The following NBAS variants were observed in gnomAD, a reference collection of about 807,000 sequenced individuals.
NBAS encodes NBAS subunit of NRZ tethering complex.
Under a neutral mutation model 302.5 loss-of-function variants are expected in NBAS, and 219 were observed. The observed-to-expected ratio is 0.72, with a 90% confidence interval of 0.65 to 0.81. The LOEUF is 0.81. Among genes scored for constraint, NBAS ranks in the 30% least tolerant of loss-of-function variants. NBAS has a pLI of 0.00. For missense variants in NBAS, 2,932 were observed against 2,841.6 expected, an observed-to-expected ratio of 1.03 and a Z score of -0.72; for synonymous variants, 1,118 against 1,021.6, an observed-to-expected ratio of 1.09 and a Z score of -1.80.
At chr2:15,043,127 C>T in the NBAS span, among the ~76,000 whole-genome samples, 2 of 152,222 alleles carry the variant, frequency 1.3e-5, no homozygotes, top group Non-Finnish European at 2.9e-5. Flanking sequence ...ACACAGCACC[C>T]TTCCTCGCTT....
intron 12 of NBAS, among the ~76,000 whole-genome samples, chr2:15,479,618 G>T (rs1184265294): frequency 6.6e-6 from 1 of 152,126 alleles, no homozygotes; most frequent in African/African-American, 2.4e-5. Context: ...GAAATCTTAA[G>T]GAAATTTTAA....
the NBAS span, among the ~76,000 whole-genome samples, chr2:15,073,176 T>C: frequency 1.3e-5 from 2 of 151,858 alleles, no homozygotes; most frequent in Non-Finnish European, 2.9e-5. Context: ...TTCTGTATCT[T>C]AGCTTTAAGA....
At chr2:15,293,238 C>T (rs533628346) in intron 40 of NBAS, among the ~76,000 whole-genome samples, 2 of 152,106 alleles carry the variant, frequency 1.3e-5, no homozygotes, top group African/African-American at 4.8e-5. Context: ...AATGGCTAGA[C>T]CCCTGAGGAG....
At chr2:14,802,454 T>A in the NBAS span, among the ~76,000 whole-genome samples, 1 of 151,562 alleles carries the variant, frequency 6.6e-6, no homozygotes, top group African/African-American at 2.4e-5. Flanking sequence ...AGTCAGGTAG[T>A]GTGATGCCTC....
chr2:15,429,467 T>TC (rs1454308128), intron 21 of NBAS, among the ~76,000 whole-genome samples: 1 of 152,160 alleles, frequency 6.6e-6, no homozygotes. Flanking sequence ...AAACACTTCA[T>TC]AAACGTTTGA....
rs143394135 is a variant in NBAS at position 15,316,179 on chromosome 2, C to T, written c.4583-6932G>A. ...TAATTTGTAATGCTAGTTCTCAAACCTTGAATATAAAGCATTGTCTAAACA... is the reference window on the plus strand; with the variant it reads ...TAATTTGTAATGCTAGTTCTCAAACTTTGAATATAAAGCATTGTCTAAACA... On this transcript the variant is annotated intron_variant, in intron 38 of 51. Transcript: ENST00000281513. Among the ~76,000 whole-genome samples the T allele has an allele frequency of 1.2e-3, 185 of 152,280 alleles. 2 individuals are homozygous for T. Among genetic ancestry groups the T allele is most frequent in the African/African-American group, 4.3e-3 (179 of 41,534 alleles).
chr2:15,561,045 C>T, intron 1 of NBAS, 143 bp downstream of exon 1: 1 of 725,820 alleles, frequency 1.4e-6, no homozygotes, highest in South Asian at 1.5e-5. Flanking sequence ...CCCAAGGTGC[C>T]GTTGCCAAGG....
chr2:14,786,705 G>A, the NBAS span, among the ~76,000 whole-genome samples: 1 of 152,132 alleles, frequency 6.6e-6, no homozygotes, highest in Non-Finnish European at 1.5e-5. Flanking sequence ...TATAATTTCT[G>A]ATCTTTTCCA....
chr2:15,491,536 A>G (rs1680854107), intron 11 of NBAS, among the ~76,000 whole-genome samples: 1 of 152,308 alleles, frequency 6.6e-6, no homozygotes, highest in Non-Finnish European at 1.5e-5. Flanking sequence ...GGAGATCGAG[A>G]CCATCCTGGC....
intron 11 of NBAS, among the ~76,000 whole-genome samples, chr2:15,499,769 G>T (rs1661415978): frequency 6.6e-6 from 1 of 152,014 alleles, no homozygotes; most frequent in Non-Finnish European, 1.5e-5. Flanking sequence ...TACAATAAAA[G>T]TTAAATTTTT....
intron 40 of NBAS, among the ~76,000 whole-genome samples, chr2:15,307,643 CTT>C (rs1056626827): frequency 6.6e-6 from 1 of 152,188 alleles, no homozygotes; most frequent in Non-Finnish European, 1.5e-5. Flanking sequence ...CTGTAATACT[CTT>C]GTGTCCACAA....
the NBAS span, among the ~76,000 whole-genome samples, chr2:14,821,111 A>G: frequency 6.6e-6 from 1 of 152,060 alleles, no homozygotes; most frequent in Non-Finnish European, 1.5e-5. Flanking sequence ...TATTTTTAGT[A>G]GAGACGGGGT....
intron 21 of NBAS, among the ~76,000 whole-genome samples, chr2:15,453,425 T>C (rs1404997311): frequency 2.6e-5 from 4 of 152,164 alleles, no homozygotes; most frequent in Admixed American, 1.3e-4. Context: ...TTTCTGAAGA[T>C]GGGGACTAGG....
the NBAS span, among the ~76,000 whole-genome samples, chr2:14,836,798 T>A: frequency 6.6e-6 from 1 of 151,854 alleles, no homozygotes; most frequent in Admixed American, 6.6e-5. Flanking sequence ...CTTTCTTAGA[T>A]TAAGTCTTCT....
chr2:15,024,004 G>A, the NBAS span, among the ~76,000 whole-genome samples: 1 of 151,686 alleles, frequency 6.6e-6, no homozygotes, highest in Non-Finnish European at 1.5e-5. Context: ...AGGGATACAC[G>A]TGCAGGTTTG....
chr2:15,104,621 G>A, the NBAS span, among the ~76,000 whole-genome samples: 17 of 151,886 alleles, frequency 1.1e-4, no homozygotes, highest in East Asian at 9.7e-4. Context: ...TTAAGGAATC[G>A]CCACACTGTC....
In NBAS at chr2:15,259,442, A is replaced by G. The variant is rs149835054; in HGVS notation, c.5724+16042T>C. Among the ~76,000 whole-genome samples, 750 of 152,316 alleles carry G rather than the reference A, an allele frequency of 4.9e-3. 4 individuals carry two copies. The highest frequency in any genetic ancestry group is 7.0e-3 in the Non-Finnish European group (474 of 68,026). On this transcript the variant is annotated intron_variant, in intron 44 of 51. Coordinates refer to ENST00000281513, the MANE Select transcript of NBAS (RefSeq NM_015909.4). The stretch of plus-strand genomic sequence containing the variant: ...AAGTTCAAAGCTGTCAGTAGAATGC[A>G]TTGTTTGTTCTAGCCAACACCTGGT...
chr2:15,179,186 T>C (rs1664702391), intron 50 of NBAS, 70 bp from the exon 51 acceptor site: 2 of 1,610,388 alleles, frequency 1.2e-6, no homozygotes, highest in African/African-American at 2.7e-5. Context: ...TCTGGCTGGA[T>C]CATTCCACCC....
chr2:15,070,273 A>C, the NBAS span, among the ~76,000 whole-genome samples: 1 of 152,128 alleles, frequency 6.6e-6, no homozygotes, highest in African/African-American at 2.4e-5. Context: ...TGATGCCCCT[A>C]ATGTGGCCTT....
Sources: gnomAD v4.1 joint callset for allele counts (sites outside exome capture counted in the v4.1 genomes callset) on GRCh38, gnomAD v4.1.1 for gene constraint, MANE v1.5 for transcripts, NCBI Gene and HGNC (gene_info 2026-07-23, HGNC 2026-07-21) for gene names.